The following TENM4 variants were observed in gnomAD, a reference collection of about 807,000 sequenced individuals.
TENM4 encodes the protein teneurin transmembrane protein 4.
TENM4 carries 82 observed loss-of-function variants against 243.3 expected under a neutral mutation model. That is an observed-to-expected ratio of 0.34 (90% CI 0.28 to 0.40). TENM4 has a LOEUF of 0.40. Among genes scored for constraint, TENM4 ranks in the 10% least tolerant of loss-of-function variants. The pLI, the probability that TENM4 is intolerant of heterozygous loss-of-function variation, is 1.00. For missense variants in TENM4, 3,138 were observed against 3,673.3 expected, an observed-to-expected ratio of 0.85 and a Z score of 3.77; for synonymous variants, 1,412 against 1,456.3, an observed-to-expected ratio of 0.97 and a Z score of 0.69.
At chr11:78,847,040 T>C (rs1465142740) in intron 12 of TENM4, among the ~76,000 whole-genome samples, 1 of 152,188 alleles carries the variant, frequency 6.6e-6, no homozygotes, top group East Asian at 1.9e-4. Context: ...CTTCCTTATC[T>C]TTTCTTATTT....
chr11:78,936,938 G>T (rs1591144596), intron 6 of TENM4, among the ~76,000 whole-genome samples: 1 of 151,534 alleles, frequency 6.6e-6, no homozygotes, highest in Non-Finnish European at 1.5e-5. Context: ...TATTTGTACT[G>T]AAATGCAAAA....
rs373891143 is a variant in TENM4 at position 79,216,997 on chromosome 11, T to TC, written c.-264-1089dup. Among the ~76,000 whole-genome samples the TC allele has an allele frequency of 8.5e-3, 1,298 of 152,080 alleles. 23 individuals are homozygous for TC. Among genetic ancestry groups the TC allele is most frequent in the African/African-American group, 0.03 (1,233 of 41,464 alleles). Reference sequence around the variant, plus strand: ...TGATTGCAACCTCTGGCTAATGACTTCCCCCCTCTAAGCCTCAGTTCCCTC... The same window carrying TC: ...TGATTGCAACCTCTGGCTAATGACTTCCCCCCCTCTAAGCCTCAGTTCCCTC... On this transcript the variant is annotated intron_variant, in intron 2 of 33. Transcript: ENST00000278550.
At chr11:78,878,943 T>C (rs139460283) in intron 9 of TENM4, among the ~76,000 whole-genome samples, 7 of 152,376 alleles carry the variant, frequency 4.6e-5, no homozygotes, top group African/African-American at 1.7e-4. Flanking sequence ...GCTTTTACAC[T>C]TGGCAAGAAT....
intron 1 of TENM4, among the ~76,000 whole-genome samples, chr11:79,309,333 G>T (rs1012249088): frequency 6.6e-6 from 1 of 152,202 alleles, no homozygotes; most frequent in Non-Finnish European, 1.5e-5. Context: ...GCAGGTCAGT[G>T]TTTTTCCCAT....
At chr11:78,833,774 T>C (rs529965087) in intron 12 of TENM4, among the ~76,000 whole-genome samples, 14 of 151,900 alleles carry the variant, frequency 9.2e-5, no homozygotes, top group African/African-American at 3.4e-4. Context: ...AGATCTTGCA[T>C]GGCTGACGTT....
In TENM4 at chr11:79,101,725, G is replaced by A. The variant is rs546400063; in HGVS notation, c.-65-31716C>T. Among the ~76,000 whole-genome samples the A allele has an allele frequency of 2.0e-5, 3 of 152,142 alleles. No homozygotes were observed. In the South Asian group the frequency reaches 6.2e-4, roughly 32 times the overall value. On this transcript the variant is annotated intron_variant, in intron 4 of 33. Coordinates refer to ENST00000278550, the MANE Select transcript of TENM4 (RefSeq NM_001098816.3). ...AGAAAACATGCTGTAACTGTGGGAC[G>A]ACTATTACCATAAGCACTGCTGGCA...
chr11:79,348,104 A>G (rs1411977944), intron 1 of TENM4, among the ~76,000 whole-genome samples: 3 of 152,078 alleles, frequency 2.0e-5, no homozygotes, highest in African/African-American at 7.2e-5. Flanking sequence ...GATAAGACTC[A>G]AGGGGCCCCA....
chr11:79,006,067 G>C (rs1177502189), intron 6 of TENM4, among the ~76,000 whole-genome samples: 1 of 152,202 alleles, frequency 6.6e-6, no homozygotes, highest in Non-Finnish European at 1.5e-5. Flanking sequence ...AACTCTACCT[G>C]CTTTCTGGTT....
At chr11:79,260,062 A>AT (rs1315676670) in intron 2 of TENM4, among the ~76,000 whole-genome samples, 1 of 152,164 alleles carries the variant, frequency 6.6e-6, no homozygotes, top group African/African-American at 2.4e-5. Flanking sequence ...GGAGGTTACA[A>AT]TTTTTTTGTA....
At chr11:78,689,456 T>G (rs1168730603) in intron 28 of TENM4, among the ~76,000 whole-genome samples, 1 of 151,554 alleles carries the variant, frequency 6.6e-6, no homozygotes, top group African/African-American at 2.4e-5. Flanking sequence ...CCCTGTGTAC[T>G]TCAGGTCTCC....
intron 10 of TENM4, among the ~76,000 whole-genome samples, chr11:78,858,647 C>A (rs1273484251): frequency 6.6e-6 from 1 of 152,156 alleles, no homozygotes; most frequent in African/African-American, 2.4e-5. Flanking sequence ...GTCCTTAATT[C>A]TGAGCACAAA....
intron 6 of TENM4, among the ~76,000 whole-genome samples, chr11:78,942,444 C>CA (rs200858107): frequency 0.014 from 1,731 of 124,804 alleles, 9 homozygotes; most frequent in Middle Eastern, 0.041. Context: ...GACCCTGTCT[C>CA]AAAAAAAAAA....
intron 1 of TENM4, among the ~76,000 whole-genome samples, chr11:79,344,319 G>A (rs1233977000): frequency 4.6e-5 from 7 of 152,126 alleles, no homozygotes; most frequent in South Asian, 2.1e-4. Flanking sequence ...GGGAAGATAC[G>A]TCTCTTCCCT....
At chr11:78,874,421 A>C (rs1235320678) in intron 9 of TENM4, among the ~76,000 whole-genome samples, 1 of 152,182 alleles carries the variant, frequency 6.6e-6, no homozygotes, top group African/African-American at 2.4e-5. Flanking sequence ...TCCTAATGTA[A>C]TACAGTCTGT....
chr11:79,138,933 T>C (rs1257373133), intron 4 of TENM4, among the ~76,000 whole-genome samples: 4 of 106,370 alleles, frequency 3.8e-5, no homozygotes, highest in Non-Finnish European at 6.9e-5. Context: ...TTTCCATAAA[T>C]ATATAAAATA....
chr11:79,105,845 G>C (rs1329333058), intron 4 of TENM4, among the ~76,000 whole-genome samples: 1 of 152,140 alleles, frequency 6.6e-6, no homozygotes, highest in Non-Finnish European at 1.5e-5. Context: ...GCTTATGCCG[G>C]GTGAACTCTA....
chr11:79,306,977 T>C (rs962499738), intron 1 of TENM4, among the ~76,000 whole-genome samples: 3 of 152,142 alleles, frequency 2.0e-5, no homozygotes, highest in African/African-American at 7.2e-5. Context: ...AGGGAGAAAA[T>C]GTACCAGATG....
intron 10 of TENM4, among the ~76,000 whole-genome samples, chr11:78,861,823 G>C (rs1049565888): frequency 3.3e-5 from 5 of 152,234 alleles, no homozygotes; most frequent in African/African-American, 4.8e-5. Flanking sequence ...GAAAGTTAGA[G>C]GCAGCTATTG....
intron 26 of TENM4, 52 bp downstream of exon 26, chr11:78,712,430 G>T: frequency 6.5e-7 from 1 of 1,548,734 alleles, no homozygotes. Context: ...TTTCTGAAAA[G>T]GAAAATACCC....
Sources: allele counts gnomAD v4.1 joint callset (sites outside exome capture counted in the v4.1 genomes callset), GRCh38; gene constraint gnomAD v4.1.1; transcripts MANE v1.5; gene names NCBI Gene and HGNC (gene_info 2026-07-23, HGNC 2026-07-21).